The following SPEF2 variants were observed in gnomAD, a reference collection of about 807,000 sequenced individuals.
The protein encoded by SPEF2 is sperm flagellar and cilia associated 2, also known as sperm flagella and cilia-associated protein 2.
Under a neutral mutation model 224.6 loss-of-function variants are expected in SPEF2, and 187 were observed. The ratio of observed to expected loss-of-function variants is 0.83; its 90% CI spans 0.74 to 0.94. The LOEUF (loss-of-function observed/expected upper bound fraction) is 0.94. SPEF2 is among the 40% of genes least tolerant of loss of function. SPEF2 has a pLI of 0.00. For missense variants in SPEF2, 2,170 were observed against 2,135.6 expected (o/e 1.02, Z -0.32); for synonymous variants, 715 against 707.3 (o/e 1.01, Z -0.17).
chr5:35,670,834 A>G lies in SPEF2; in HGVS notation c.1524+607A>G, dbSNP rs895941260. The G allele has an allele frequency of 2.8e-5, 27 of 981,202 alleles. No individual in the cohort carries two copies. The African/African-American group carries it at 3.7e-4, about 13-fold the overall frequency. The allele number at this position is 981,202 out of a possible 1,614,324, so 60.8% of individuals were successfully genotyped here. On this transcript the variant is annotated intron_variant, in intron 10 of 36. Coordinates refer to ENST00000356031, the MANE Select transcript of SPEF2 (RefSeq NM_024867.4). ...GGTGACCAGTTCATTAAGGGCTAAT[A>G]GATTTCCATTTTTCAATTAATGGAA...
chr5:35,692,026 CTGATCTCG>C (rs1179822696), intron 11 of SPEF2, among the ~76,000 whole-genome samples: 1 of 151,836 alleles, frequency 6.6e-6, no homozygotes, highest in African/African-American at 2.4e-5. Flanking sequence ...TCTCAATCTC[CTGATCTCG>C]TGATCCACCC....
chr5:35,633,971 T>C (rs931534760), intron 2 of SPEF2, among the ~76,000 whole-genome samples: 2 of 152,098 alleles, frequency 1.3e-5, no homozygotes, highest in Admixed American at 1.3e-4. Flanking sequence ...ACCAATTACA[T>C]CTTAAGCCCA....
At chr5:35,763,023 T>A (rs1016436415) in intron 25 of SPEF2, among the ~76,000 whole-genome samples, 7 of 152,204 alleles carry the variant, frequency 4.6e-5, no homozygotes, top group Non-Finnish European at 1.0e-4. Context: ...CATGTGTTAC[T>A]GTCAGAGGAG....
At chr5:35,633,826 TGAA>T (rs1428675163) in intron 2 of SPEF2, among the ~76,000 whole-genome samples, 2 of 152,022 alleles carry the variant, frequency 1.3e-5, no homozygotes, top group East Asian at 3.8e-4. Context: ...TTAGTTTTCA[TGAA>T]GATTACAATT....
intron 33 of SPEF2, among the ~76,000 whole-genome samples, chr5:35,799,715 T>C (rs1406056959): frequency 6.6e-6 from 1 of 152,206 alleles, no homozygotes; most frequent in East Asian, 1.9e-4. Context: ...CCTTAATTAG[T>C]ACAGTATTTC....
intron 3 of SPEF2, among the ~76,000 whole-genome samples, chr5:35,642,664 T>C: frequency 6.6e-6 from 1 of 152,230 alleles, no homozygotes; most frequent in Non-Finnish European, 1.5e-5. Flanking sequence ...CAATTCCTTA[T>C]GGTAAATGAA....
intron 10 of SPEF2, among the ~76,000 whole-genome samples, chr5:35,679,032 G>A (rs1017026058): frequency 1.3e-5 from 2 of 152,144 alleles, no homozygotes; most frequent in African/African-American, 2.4e-5. Flanking sequence ...AGAAAGCCCT[G>A]GAAGAGATGA....
intron 20 of SPEF2, among the ~76,000 whole-genome samples, chr5:35,726,197 A>G (rs1744629944): frequency 6.6e-6 from 1 of 152,240 alleles, no homozygotes; most frequent in Non-Finnish European, 1.5e-5. Flanking sequence ...AAAGCACAAT[A>G]GTCCAGAAAT....
intron 19 of SPEF2, chr5:35,710,965 G>T (rs1291410403): frequency 2.4e-6 from 2 of 822,558 alleles, no homozygotes; most frequent in Non-Finnish European, 2.9e-6. Flanking sequence ...CAACCTTACT[G>T]TGATGGACAT....
intron 16 of SPEF2, among the ~76,000 whole-genome samples, chr5:35,701,297 G>A (rs1306833246): frequency 6.6e-6 from 1 of 152,138 alleles, no homozygotes; most frequent in Non-Finnish European, 1.5e-5. Context: ...ATGGGTAAAA[G>A]CACTTATTCT....
At chr5:35,741,474 C>T (rs1423534361) in intron 23 of SPEF2, among the ~76,000 whole-genome samples, 1 of 152,142 alleles carries the variant, frequency 6.6e-6, no homozygotes, top group Non-Finnish European at 1.5e-5. Flanking sequence ...GTGAGCTAGG[C>T]AACAGTTGGC....
chr5:35,760,460 T>C (rs1751107645), intron 25 of SPEF2, among the ~76,000 whole-genome samples: 1 of 151,528 alleles, frequency 6.6e-6, no homozygotes, highest in Non-Finnish European at 1.5e-5. Context: ...AAAATGAAAA[T>C]GGAAGGTGTT....
intron 9 of SPEF2, 63 bp downstream of exon 9, chr5:35,667,322 A>G (rs1750619375): frequency 7.4e-7 from 1 of 1,354,088 alleles, no homozygotes; most frequent in Non-Finnish European, 1.0e-6. Flanking sequence ...ATAAGATTGT[A>G]AAATAGATAC....
At chr5:35,726,717 T>C (rs1044677532) in intron 20 of SPEF2, among the ~76,000 whole-genome samples, 5 of 152,182 alleles carry the variant, frequency 3.3e-5, no homozygotes, top group African/African-American at 1.2e-4. Context: ...TCTACAGGTG[T>C]CTGTAAACTG....
intron 21 of SPEF2, among the ~76,000 whole-genome samples, chr5:35,739,475 C>A (rs1747214699): frequency 6.6e-6 from 1 of 152,154 alleles, no homozygotes; most frequent in South Asian, 2.1e-4. Context: ...CTCCGCCTCC[C>A]AGGTTCAAGC....
intron 20 of SPEF2, among the ~76,000 whole-genome samples, chr5:35,726,853 T>C (rs2149652726): frequency 6.6e-6 from 1 of 152,322 alleles, no homozygotes; most frequent in Non-Finnish European, 1.5e-5. Flanking sequence ...CCAAGGTTGT[T>C]CATACCATAG....
intron 15 of SPEF2, chr5:35,699,982 T>C: frequency 6.5e-6 from 1 of 154,480 alleles, no homozygotes; most frequent in Non-Finnish European, 1.4e-5. Flanking sequence ...GATTGAATCG[T>C]GGGGGCGGTG....
chr5:35,705,842 C>A, intron 18 of SPEF2, 34 bp downstream of exon 18: 2 of 1,321,602 alleles, frequency 1.5e-6, no homozygotes. Context: ...TGAGTTTAGG[C>A]AACTAAAATG....
Position 35,784,282 on chromosome 5 carries a change from CA to C in SPEF2, c.4447+4937del, listed in dbSNP as rs1251383697. Among the ~76,000 whole-genome samples the C allele has an allele frequency of 3.9e-5, 6 of 152,220 alleles. No individual in the cohort carries two copies. In the East Asian group the frequency reaches 1.2e-3, roughly 30 times the overall value. On this transcript the variant is annotated intron_variant, in intron 30 of 36. Transcript: ENST00000356031. ...AGCTGGGACTACAGGCAAACGCCAC[CA>C]CACCCGGCTAATTTTTTTGTATTTT...
Sources: allele counts gnomAD v4.1 joint callset (sites outside exome capture counted in the v4.1 genomes callset), GRCh38; gene constraint gnomAD v4.1.1; transcripts MANE v1.5; gene names NCBI Gene and HGNC (gene_info 2026-07-23, HGNC 2026-07-21).